The following DCC variants were observed in gnomAD, a reference collection of about 807,000 sequenced individuals.
The protein encoded by DCC is netrin receptor DCC.
In DCC, 58 loss-of-function variants were observed where a neutral mutation model predicts 172.5. That is an observed-to-expected ratio of 0.34 (90% CI 0.27 to 0.42). The LOEUF (loss-of-function observed/expected upper bound fraction) is 0.42. Ranked by LOEUF, DCC falls within the 10% of genes least tolerant of loss-of-function variation. The probability of loss-of-function intolerance (pLI) is 1.00; values close to 1 mark genes in which losing one functional copy is unlikely to be tolerated. For missense variants in DCC, 1,740 were observed against 1,791.0 expected (o/e 0.97, Z 0.51); for synonymous variants, 709 against 644.5 (o/e 1.10, Z -1.52).
intron 27 of DCC, among the ~76,000 whole-genome samples, chr18:53,515,697 C>A (rs1156259811): frequency 3.3e-5 from 5 of 150,454 alleles, no homozygotes; most frequent in Non-Finnish European, 7.4e-5. Flanking sequence ...CTCCCATTCA[C>A]AATTGCTTCA....
intron 1 of DCC, among the ~76,000 whole-genome samples, chr18:52,444,091 A>G (rs1988050776): frequency 6.6e-6 from 1 of 152,194 alleles, no homozygotes; most frequent in African/African-American, 2.4e-5. Flanking sequence ...CATTTAACCA[A>G]GGGGGAGACT....
intron 1 of DCC, among the ~76,000 whole-genome samples, chr18:52,537,039 A>C (rs2032309518): frequency 2.0e-5 from 3 of 152,200 alleles, no homozygotes; most frequent in Admixed American, 6.5e-5. Flanking sequence ...TAGTGCTGTT[A>C]AAGTGGCAGG....
chr18:53,301,309 G>A (rs28549322), intron 12 of DCC, among the ~76,000 whole-genome samples: 5,548 of 151,700 alleles, frequency 0.037, 354 homozygotes, highest in African/African-American at 0.13. Flanking sequence ...GGCTGGTCTC[G>A]AACTCCTGAC....
intron 1 of DCC, among the ~76,000 whole-genome samples, chr18:52,732,722 C>A (rs1223188018): frequency 6.6e-6 from 1 of 152,134 alleles, no homozygotes; most frequent in Non-Finnish European, 1.5e-5. Flanking sequence ...ATTCTTTGGG[C>A]AAATTATAAT....
intron 15 of DCC, among the ~76,000 whole-genome samples, chr18:53,345,942 C>G (rs1296304775): frequency 3.3e-5 from 5 of 151,820 alleles, no homozygotes; most frequent in African/African-American, 1.2e-4. Context: ...CCTGTTTTCC[C>G]TTTCCTGACT....
At chr18:52,441,820 T>C (rs1987978307) in intron 1 of DCC, among the ~76,000 whole-genome samples, 1 of 152,206 alleles carries the variant, frequency 6.6e-6, no homozygotes, top group Non-Finnish European at 1.5e-5. Flanking sequence ...CACAACAAGA[T>C]TAGCAAATCA....
At chr18:52,635,354 G>A (rs1231129893) in intron 1 of DCC, among the ~76,000 whole-genome samples, 4 of 152,068 alleles carry the variant, frequency 2.6e-5, no homozygotes, top group Admixed American at 6.6e-5. Context: ...ACTGTGCTAG[G>A]CAACAAGTGA....
chr18:52,613,498 G>A (rs1399002769), intron 1 of DCC, among the ~76,000 whole-genome samples: 4 of 151,978 alleles, frequency 2.6e-5, no homozygotes, highest in East Asian at 1.9e-4. Flanking sequence ...CTTGTGATCC[G>A]CCCGCCTCTG....
intron 7 of DCC, among the ~76,000 whole-genome samples, chr18:53,105,904 G>C (rs1356474452): frequency 2.6e-5 from 4 of 151,398 alleles, no homozygotes; most frequent in Non-Finnish European, 5.9e-5. Flanking sequence ...ATATTTGTGA[G>C]TGATGCCTGA....
chr18:52,532,019 C>A (rs1214998007), intron 1 of DCC, among the ~76,000 whole-genome samples: 2 of 152,144 alleles, frequency 1.3e-5, no homozygotes, highest in Non-Finnish European at 2.9e-5. Flanking sequence ...TTGCACAATG[C>A]AAAAGGTAGA....
chr18:53,348,887 C>A (rs2057755048), intron 15 of DCC, among the ~76,000 whole-genome samples: 1 of 152,166 alleles, frequency 6.6e-6, no homozygotes. Context: ...TCTGAGGCAT[C>A]CAGGCCTGTC....
At chr18:52,584,504 T>C (rs1394713276) in intron 1 of DCC, among the ~76,000 whole-genome samples, 1 of 152,138 alleles carries the variant, frequency 6.6e-6, no homozygotes, top group Admixed American at 6.5e-5. Flanking sequence ...CTCAGTAAGC[T>C]CTTTGCAAAA....
chr18:52,998,296 A>G (rs976696573), intron 5 of DCC, among the ~76,000 whole-genome samples: 2 of 151,898 alleles, frequency 1.3e-5, no homozygotes, highest in African/African-American at 4.8e-5. Flanking sequence ...CTCCATCCTC[A>G]TCATCTGGGG....
intron 1 of DCC, among the ~76,000 whole-genome samples, chr18:52,371,116 G>A (rs1049594196): frequency 1.3e-5 from 2 of 151,434 alleles, no homozygotes; most frequent in Admixed American, 1.3e-4. Flanking sequence ...GCACTGGAGA[G>A]AACATTGGTA....
At position 53,093,597 on chromosome 18, in the gene DCC, T is replaced by C. The variant is rs1322274719; in HGVS notation, c.1261+27431T>C. 2.0e-5 allele frequency among the ~76,000 whole-genome samples: 3 copies of C among 152,200 alleles called. No homozygotes were observed. In the East Asian group the frequency reaches 5.8e-4, roughly 29 times the overall value. ...ATCTATCTGACCTTATTAATGTAAC[T>C]CTAGGATTTAGATTCTGACCTTCCA... On this transcript the variant is annotated intron_variant, in intron 7 of 28. Transcript: ENST00000442544.
chr18:52,850,918 TTG>T (rs1291383621), intron 2 of DCC, among the ~76,000 whole-genome samples: 9 of 152,112 alleles, frequency 5.9e-5, no homozygotes, highest in Non-Finnish European at 1.2e-4. Context: ...TGGGTTTAAT[TTG>T]TCTTTTTATC....
At chr18:52,883,609 C>T (rs2145409311) in intron 2 of DCC, among the ~76,000 whole-genome samples, 1 of 151,968 alleles carries the variant, frequency 6.6e-6, no homozygotes, top group East Asian at 1.9e-4. Flanking sequence ...TACACTTTGT[C>T]TCCTTGCTTT....
intron 5 of DCC, among the ~76,000 whole-genome samples, chr18:53,055,692 C>G (rs976301122): frequency 2.6e-5 from 4 of 152,088 alleles, no homozygotes; most frequent in Admixed American, 6.6e-5. Flanking sequence ...AACAACCAAT[C>G]CTATGAGAGA....
intron 1 of DCC, among the ~76,000 whole-genome samples, chr18:52,373,879 G>C (rs1308975760): frequency 6.8e-6 from 1 of 147,106 alleles, no homozygotes; most frequent in African/African-American, 2.5e-5. Flanking sequence ...AAGCATATTT[G>C]GTTGCATCAT....
Sources: allele counts gnomAD v4.1 joint callset (sites outside exome capture counted in the v4.1 genomes callset), GRCh38; gene constraint gnomAD v4.1.1; transcripts MANE v1.5; gene names NCBI Gene and HGNC (gene_info 2026-07-23, HGNC 2026-07-21).